The following SEPTIN8 variants were observed in gnomAD, a reference collection of about 807,000 sequenced individuals.
SEPTIN8 encodes the protein septin 8.
SEPTIN8 carries 22 observed loss-of-function variants against 53.1 expected under a neutral mutation model. The observed-to-expected ratio is 0.41, with a 90% CI of 0.30 to 0.59. The LOEUF is 0.59. SEPTIN8 is among the 20% of genes least tolerant of loss of function. The pLI is 0.24. For missense variants in SEPTIN8, 536 were observed against 638.7 expected (o/e 0.84, Z 1.73); for synonymous variants, 228 against 248.4 (o/e 0.92, Z 0.77).
rs372048319 is a variant in SEPTIN8 at position 132,761,919 on chromosome 5, G to A, written c.697-23C>T. On this transcript the variant is annotated intron_variant, in intron 5 of 9. Coordinates refer to ENST00000378719, the MANE Select transcript of SEPTIN8 (RefSeq NM_001098811.2). This position sits in a 1 kb window ranked among gnomAD's most constrained non-coding sequence, Gnocchi z 5.8. Reference sequence around the variant, plus strand: ...TGCCTGGAAAGGGGCCCGGGTATGCGTAAGCCCTGAGCTGACACAGACTAA... The same window carrying A: ...TGCCTGGAAAGGGGCCCGGGTATGCATAAGCCCTGAGCTGACACAGACTAA... 14 of 1,556,140 alleles carry A rather than the reference G, an allele frequency of 9.0e-6. No homozygotes were observed. Among genetic ancestry groups the A allele is most frequent in the Admixed American group, 3.8e-5 (2 of 52,200 alleles).
At chr5:132,769,704 G>A (rs1756974891) in intron 1 of SEPTIN8, among the ~76,000 whole-genome samples, 1 of 151,934 alleles carries the variant, frequency 6.6e-6, no homozygotes, top group Non-Finnish European at 1.5e-5. Flanking sequence ...CTGCTCAGGA[G>A]AGCAAAGCCA....
chr5:132,756,584 T>C, intron 9 of SEPTIN8: 1 of 985,478 alleles, frequency 1.0e-6, no homozygotes. Flanking sequence ...GCTCACTTTA[T>C]GCACCAAGGT....
chr5:132,777,949 C>T (rs1757940596), upstream of SEPTIN8: 8 of 985,508 alleles, frequency 8.1e-6, no homozygotes, highest in Non-Finnish European at 9.6e-6. The surrounding 1 kb of genome is among the most constrained non-coding windows in gnomAD (Gnocchi z 4.1). Flanking sequence ...AAGTGTCCAT[C>T]ACCCTGCCTG....
rs1332064065 is a variant in SEPTIN8, at chr5:132,751,449, T to G, written c.*567A>C. ...AAAATATCATACATTAGTTTGTATT[T>G]GTTTTAGTTGGGGGAATGATGGTCA... On this transcript the variant is annotated 3_prime_UTR_variant, in exon 10 of 10. Coordinates refer to ENST00000378719, the MANE Select transcript of SEPTIN8 (RefSeq NM_001098811.2). 1.1e-5 allele frequency: 2 copies of G among 182,202 alleles called. No individual in the cohort carries two copies. Among genetic ancestry groups the G allele is most frequent in the Non-Finnish European group, 2.3e-5 (2 of 87,840 alleles). 11.3% of individuals were successfully genotyped at this position (182,202 alleles called of 1,614,324 possible).
rs567198993 is a variant in SEPTIN8, at chr5:132,764,875, T to C, written c.152-456A>G. On this transcript the variant is annotated intron_variant, in intron 2 of 9. Coordinates refer to ENST00000378719, the MANE Select transcript of SEPTIN8 (RefSeq NM_001098811.2). ...CGGACAGCCCTAGCTCCACATGGCT[T>C]TAGCTGGGGGAACTCAGGATGGGCT... 4.6e-4 allele frequency among the ~76,000 whole-genome samples: 70 copies of C among 152,052 alleles called. 1 individual carries two copies. The South Asian group carries it at 0.014, about 31-fold the overall frequency.
rs376943829 is a variant in SEPTIN8 at position 132,770,109 on chromosome 5, GTATATATATATATA to G, written c.31-4594_31-4581del. Among the ~76,000 whole-genome samples, 112 of 80,752 alleles carry G rather than the reference GTATATATATATATA, an allele frequency of 1.4e-3. 2 individuals carry two copies. The highest frequency in any genetic ancestry group is 0.011 in the African/African-American group (105 of 9,406). The allele number at this position is 80,752 out of a possible 152,430, so 53.0% of individuals were successfully genotyped here. A position where few individuals can be genotyped will look rare whatever the true frequency, so the allele number is the denominator to read the frequency against. On this transcript the variant is annotated intron_variant, in intron 1 of 9. Coordinates refer to ENST00000378719, the MANE Select transcript of SEPTIN8 (RefSeq NM_001098811.2). The stretch of plus-strand genomic sequence containing the variant: ...TATATGTATATATATATGTATATAT[GTATATATATATATA>G]TGTATATATGTGTATGTGTGTGTAT...
chr5:132,765,052 G>A (rs1239802191), intron 2 of SEPTIN8, among the ~76,000 whole-genome samples: 1 of 152,010 alleles, frequency 6.6e-6, no homozygotes, highest in Non-Finnish European at 1.5e-5. Flanking sequence ...ATGAGGGGCA[G>A]AGCTGTTTAC....
At chr5:132,774,995 T>G (rs189131333) in intron 1 of SEPTIN8, among the ~76,000 whole-genome samples, 19 of 152,206 alleles carry the variant, frequency 1.2e-4, no homozygotes, top group Admixed American at 6.5e-4. Flanking sequence ...TCCACCCAAA[T>G]CCAACCCTAT....
chr5:132,758,955 G>A, intron 9 of SEPTIN8: 1 of 859,162 alleles, frequency 1.2e-6, no homozygotes, highest in South Asian at 1.4e-5. Flanking sequence ...TTTGTGACGA[G>A]CAAAGCAGAG....
At chr5:132,764,182 G>A (rs767813135) in intron 3 of SEPTIN8, 42 bp downstream of exon 3, 3 of 1,572,858 alleles carry the variant, frequency 1.9e-6, no homozygotes, top group Admixed American at 3.4e-5. Context: ...ATGTAGGTGG[G>A]GTGGGAGGAG....
chr5:132,757,373 T>A, intron 9 of SEPTIN8: 2 of 985,302 alleles, frequency 2.0e-6, no homozygotes, highest in Non-Finnish European at 2.4e-6. Flanking sequence ...ACCCCTCCAC[T>A]TCTCCCTGAG....
At chr5:132,753,300 C>T in intron 9 of SEPTIN8, 1 of 289,876 alleles carries the variant, frequency 3.4e-6, no homozygotes, top group Non-Finnish European at 6.7e-6. Flanking sequence ...TGGCATTGGC[C>T]CCTGGGAGCG....
chr5:132,753,093 T>TG, intron 9 of SEPTIN8: 1 of 764,674 alleles, frequency 1.3e-6, no homozygotes, highest in African/African-American at 1.7e-5. Flanking sequence ...GAAGAGCAAC[T>TG]GAGAAAAAGT....
chr5:132,762,590 T>C lies in SEPTIN8; in HGVS notation c.590A>G (p.His197Arg). Reference sequence around the variant, plus strand: ...GCCCATGATCTTGATCTTGAACTTGTGGAGCTCGCTCTTGGAGATGGTGTC... The same window carrying C: ...GCCCATGATCTTGATCTTGAACTTGCGGAGCTCGCTCTTGGAGATGGTGTC... ...KADTISKSELHKFKIKIMGEL... is the reference protein window; with the variant it reads ...KADTISKSELRKFKIKIMGEL... Residue 197 changes from histidine (H) to arginine (R), a missense_variant, in exon 5 of 10, where the codon CAC (histidine) becomes CGC (arginine). Coordinates refer to ENST00000378719, the MANE Select transcript of SEPTIN8 (RefSeq NM_001098811.2). The C allele has an allele frequency of 6.2e-7, 1 of 1,614,182 alleles. No homozygotes were observed. The highest frequency in any genetic ancestry group is 1.1e-5 in the South Asian group (1 of 91,080).
Position 132,777,031 on chromosome 5 carries a change from GC to G in SEPTIN8, c.30+76del, listed in dbSNP as rs1757870474. ...GTGAGGCGCTGACAGCCCGCTTCGC[GC>G]CCCCCGCCAGCTGCAGGGCGGCCCC... On this transcript the variant is annotated intron_variant, in intron 1 of 9. Coordinates refer to ENST00000378719, the MANE Select transcript of SEPTIN8 (RefSeq NM_001098811.2). This position sits in a 1 kb window ranked among gnomAD's most constrained non-coding sequence, Gnocchi z 4.1. 24 of 948,194 alleles carry G rather than the reference GC, an allele frequency of 2.5e-5. No homozygotes were observed. The highest frequency in any genetic ancestry group is 9.6e-5 in the East Asian group (2 of 20,910). 58.7% of individuals were successfully genotyped at this position (948,194 alleles called of 1,614,324 possible).
intron 2 of SEPTIN8, among the ~76,000 whole-genome samples, chr5:132,764,716 C>T (rs1365705044): frequency 6.6e-6 from 1 of 152,222 alleles, no homozygotes; most frequent in Non-Finnish European, 1.5e-5. Context: ...AGCCAGGCAG[C>T]TGTGTAGACA....
intron 9 of SEPTIN8, chr5:132,757,853 C>T (rs960508887): frequency 1.0e-6 from 1 of 985,530 alleles, no homozygotes. Context: ...ACATCAGACA[C>T]CTTCATCTCT....
At position 132,751,821 on chromosome 5, in the gene SEPTIN8, C is replaced by G. The variant is rs1444216248; in HGVS notation, c.*195G>C. On this transcript the variant is annotated 3_prime_UTR_variant, in exon 10 of 10. Transcript: ENST00000378719. The stretch of plus-strand genomic sequence containing the variant: ...CAGGATGGGCATTAAGCCTCAAGCC[C>G]CTTACGGAGCCATGGATAGGAATGA... The G allele has an allele frequency of 2.0e-6, 2 of 990,260 alleles. No individual in the cohort carries two copies. The highest frequency in any genetic ancestry group is 3.2e-5 in the African/African-American group (2 of 61,610). The allele number at this position is 990,260 out of a possible 1,614,324, so 61.3% of individuals were successfully genotyped here. A position where few individuals can be genotyped will look rare whatever the true frequency, so the allele number is the denominator to read the frequency against.
intron 2 of SEPTIN8, 145 bp from the exon 3 acceptor site, chr5:132,764,564 TCA>T: frequency 1.6e-6 from 1 of 626,272 alleles, no homozygotes; most frequent in South Asian, 2.0e-5. Flanking sequence ...CCATCCCTCA[TCA>T]CCCCCATTCC....
Sources: allele counts gnomAD v4.1 joint callset (sites outside exome capture counted in the v4.1 genomes callset), GRCh38; gene constraint gnomAD v4.1.1; non-coding constraint Gnocchi (gnomAD v3.1); transcripts MANE v1.5; gene names NCBI Gene and HGNC (gene_info 2026-07-23, HGNC 2026-07-21).